KCNK13: variants seen among roughly 807,000 people sequenced by gnomAD.
The protein encoded by KCNK13 is potassium channel subfamily K member 13.
KCNK13 carries 12 observed loss-of-function variants against 23.4 expected under a neutral mutation model. The ratio of observed to expected loss-of-function variants is 0.51; its 90% CI spans 0.33 to 0.83. The LOEUF (loss-of-function observed/expected upper bound fraction) is 0.83. Among genes scored for constraint, KCNK13 ranks in the 40% least tolerant of loss-of-function variants. The pLI is 0.02. For synonymous variants in KCNK13, 231 were observed against 229.5 expected, an observed-to-expected ratio of 1.01 and a Z score of -0.06; for missense variants, 463 against 556.3, an observed-to-expected ratio of 0.83 and a Z score of 1.69.
Position 90,184,022 on chromosome 14 carries a change from A to T in KCNK13, c.335-89A>T. 1 of 1,139,776 alleles carries T rather than the reference A, an allele frequency of 8.8e-7. No homozygotes were observed. The highest frequency in any genetic ancestry group is 1.3e-6 in the Non-Finnish European group (1 of 787,980). 70.6% of individuals were successfully genotyped at this position (1,139,776 alleles called of 1,614,324 possible). On this transcript the variant is annotated intron_variant, in intron 1 of 1. Coordinates refer to ENST00000282146, the MANE Select transcript of KCNK13 (RefSeq NM_022054.4). The surrounding 1 kb of genome is among the most constrained non-coding windows in gnomAD (Gnocchi z 5.6). ...TGAGTGATTTTATGAAACTCTCTTT[A>T]GGTCCTTTGCCAGCCATCAAAGCCA...
intron 1 of KCNK13, among the ~76,000 whole-genome samples, chr14:90,170,024 C>T (rs1890346563): frequency 6.6e-6 from 1 of 152,032 alleles, no homozygotes; most frequent in Admixed American, 6.6e-5. Context: ...GCAGGGATCC[C>T]TCTTAGGAGC....
intron 1 of KCNK13, among the ~76,000 whole-genome samples, chr14:90,115,382 T>C (rs1040540870): frequency 3.3e-5 from 5 of 152,170 alleles, no homozygotes; most frequent in African/African-American, 1.2e-4. Context: ...AGGGCCCTAA[T>C]TCAGAACCGG....
Position 90,184,893 on chromosome 14 carries a change from G to T in KCNK13, c.1117G>T (p.Gly373Cys). The change falls in exon 2 of 2, where the codon GGC becomes TGC. Residue 373 changes from glycine to cysteine, a missense_variant. Physicochemically the swap from Gly to Cys is radical, Grantham distance 159 (BLOSUM62 -3). This residue lies in a region of KCNK13 where 166 missense variants were observed against 178.8 expected (regional missense o/e 0.93). Coordinates refer to ENST00000282146, the MANE Select transcript of KCNK13 (RefSeq NM_022054.4). The surrounding 1 kb of genome is among the most constrained non-coding windows in gnomAD (Gnocchi z 5.6). The stretch of plus-strand genomic sequence containing the variant: ...GAAGCAACTGTCTGAGATGGCCAAC[G>T]GCTGCCCCCACCAGACCAGCACACT... ...LQKQLSEMAN[G>C]CPHQTSTLAR... is the part of the protein sequence containing the mutation. 6.2e-7 allele frequency: 1 copy of T among 1,613,820 alleles called. No homozygotes were observed. The highest frequency in any genetic ancestry group is 1.1e-5 in the South Asian group (1 of 91,086).
chr14:90,062,283 C>T lies in KCNK13; in HGVS notation c.78C>T (p.Leu26=), dbSNP rs761781121. ...CGCGCTTTCTGCTGCTGGCCGCGCT[C>T]ATCGTGCTCTACCTGCTGGGCGGCG... The part of the protein sequence containing the change: ...DNARFLLLAA[L]IVLYLLGGAA... The change falls in exon 1 of 2, where the codon CTC becomes CTT. Residue 26 remains leucine, a synonymous_variant. Transcript: ENST00000282146. This position sits in a 1 kb window ranked among gnomAD's most constrained non-coding sequence, Gnocchi z 4.5. 5 of 1,563,676 alleles carry T rather than the reference C, an allele frequency of 3.2e-6. No homozygotes were observed. The highest frequency in any genetic ancestry group is 2.8e-5 in the African/African-American group (2 of 72,594).
At chr14:90,148,027 G>A (rs1890093535) in intron 1 of KCNK13, among the ~76,000 whole-genome samples, 1 of 152,150 alleles carries the variant, frequency 6.6e-6, no homozygotes, top group South Asian at 2.1e-4. Context: ...GCCGAGCGTG[G>A]TGGTGCATGC....
At chr14:90,172,369 A>G (rs552763140) in intron 1 of KCNK13, among the ~76,000 whole-genome samples, 1 of 151,898 alleles carries the variant, frequency 6.6e-6, no homozygotes, top group African/African-American at 2.4e-5. Context: ...TTGAGTCACC[A>G]GCTTGTACCC....
At chr14:90,077,097 G>C (rs1359807167) in intron 1 of KCNK13, among the ~76,000 whole-genome samples, 1 of 144,778 alleles carries the variant, frequency 6.9e-6, no homozygotes, top group African/African-American at 2.6e-5. Context: ...GGGATTACAG[G>C]CATGAGCCAC....
rs566052155 is a variant in KCNK13 at position 90,112,199 on chromosome 14, C to T, written c.334+49660C>T. Among the ~76,000 whole-genome samples the T allele has an allele frequency of 1.1e-4, 16 of 152,324 alleles. No individual in the cohort carries two copies. In the South Asian group the frequency reaches 3.1e-3, roughly 30 times the overall value. ...ACCGTCCTGCGTATCTCTAGCGATG[C>T]CATTTACATTGTGTTCCGTGGGTAA... On this transcript the variant is annotated intron_variant, in intron 1 of 1. Transcript: ENST00000282146.
At chr14:90,066,364 G>A (rs949992624) in intron 1 of KCNK13, among the ~76,000 whole-genome samples, 6 of 150,306 alleles carry the variant, frequency 4.0e-5, no homozygotes, top group African/African-American at 1.2e-4. Context: ...CCTCCCAGGT[G>A]CAAGCAATTC....
chr14:90,113,434 G>T (rs1889639020), intron 1 of KCNK13, among the ~76,000 whole-genome samples: 3 of 152,300 alleles, frequency 2.0e-5, no homozygotes, highest in Middle Eastern at 3.4e-3. Context: ...CAAATAGAGT[G>T]TCTGAAAATG....
intron 1 of KCNK13, among the ~76,000 whole-genome samples, chr14:90,125,878 G>A (rs879784951): frequency 6.6e-6 from 1 of 152,066 alleles, no homozygotes; most frequent in African/African-American, 2.4e-5. Context: ...ACAAAAATTA[G>A]CTGGGCGTGG....
intron 1 of KCNK13, among the ~76,000 whole-genome samples, chr14:90,098,005 A>C (rs1213314917): frequency 6.6e-6 from 1 of 152,100 alleles, no homozygotes; most frequent in Non-Finnish European, 1.5e-5. Context: ...TCTCTCTCTC[A>C]GTGTTCCAGG....
intron 1 of KCNK13, among the ~76,000 whole-genome samples, chr14:90,156,496 G>T (rs1318206266): frequency 6.8e-6 from 1 of 147,898 alleles, no homozygotes; most frequent in Non-Finnish European, 1.5e-5. Flanking sequence ...GAGATGCCAG[G>T]CCAGGGTTTT....
chr14:90,179,152 T>C (rs1358562964), intron 1 of KCNK13, among the ~76,000 whole-genome samples: 1 of 152,038 alleles, frequency 6.6e-6, no homozygotes, highest in Non-Finnish European at 1.5e-5. Flanking sequence ...AAAGAAATGG[T>C]ATGTTATCTG....
intron 1 of KCNK13, among the ~76,000 whole-genome samples, chr14:90,113,889 C>T (rs567527335): frequency 5.9e-5 from 9 of 151,762 alleles, no homozygotes; most frequent in Non-Finnish European, 8.8e-5. Context: ...GCCAAGATTG[C>T]GCCACTGAAC....
intron 1 of KCNK13, among the ~76,000 whole-genome samples, chr14:90,144,511 T>G (rs866290459): frequency 8.2e-5 from 12 of 145,646 alleles, no homozygotes; most frequent in African/African-American, 2.8e-4. Flanking sequence ...TTTTTTTTTT[T>G]TGTGAGATAG....
At chr14:90,070,009 T>A (rs1400520094) in intron 1 of KCNK13, among the ~76,000 whole-genome samples, 2 of 152,186 alleles carry the variant, frequency 1.3e-5, no homozygotes. Context: ...TCATCCATAA[T>A]TCTACCAACC....
At chr14:90,073,661 T>G (rs1889102593) in intron 1 of KCNK13, among the ~76,000 whole-genome samples, 1 of 152,020 alleles carries the variant, frequency 6.6e-6, no homozygotes, top group African/African-American at 2.4e-5. Flanking sequence ...AGTTGTTGTG[T>G]TTTTTGTTTT....
intron 1 of KCNK13, among the ~76,000 whole-genome samples, chr14:90,143,171 C>CTTTCTTTCTTTCTTTCTTTCTT (rs1555352138): frequency 8.1e-6 from 1 of 123,788 alleles, no homozygotes; most frequent in Admixed American, 8.6e-5. Context: ...TTCTTTCTTT[C>CTTTCTTTCTTTCTTTCTTTCTT]TTTCTTTTCT....
Sources: gnomAD v4.1 joint callset for allele counts (sites outside exome capture counted in the v4.1 genomes callset) on GRCh38, gnomAD v4.1.1 for gene constraint, gnomAD v4.1.1 regional missense constraint, Gnocchi (gnomAD v3.1) non-coding constraint, MANE v1.5 for transcripts, NCBI Gene and HGNC (gene_info 2026-07-23, HGNC 2026-07-21) for gene names.